Variants in B3GALT1 observed in about 807,000 individuals in gnomAD.
The protein encoded by B3GALT1 is UDP-Gal:betaGlcNAc beta 1,3-galactosyltransferase, polypeptide 1.
In B3GALT1, 10 loss-of-function variants were observed where a neutral mutation model predicts 23.2. The observed-to-expected ratio is 0.43, with a 90% CI of 0.27 to 0.73. B3GALT1 has a LOEUF of 0.73. B3GALT1 is among the 30% of genes least tolerant of loss of function. The pLI is 0.21. For missense variants in B3GALT1, 299 were observed against 405.4 expected (o/e 0.74, Z 2.25); for synonymous variants, 156 against 141.5 (o/e 1.10, Z -0.73).
At chr2:167,788,009 A>G (rs1316368423) in intron 3 of B3GALT1, among the ~76,000 whole-genome samples, 1 of 152,180 alleles carries the variant, frequency 6.6e-6, no homozygotes, top group Non-Finnish European at 1.5e-5. Context: ...TCTTACTTGA[A>G]TGCCTAGACT....
intron 3 of B3GALT1, among the ~76,000 whole-genome samples, chr2:167,744,247 TC>T (rs1351032153): frequency 6.6e-6 from 1 of 152,190 alleles, no homozygotes; most frequent in African/African-American, 2.4e-5. Flanking sequence ...ATGGTATTGA[TC>T]AAATCTTTCA....
chr2:167,391,947 C>T (rs1268247801), intron 1 of B3GALT1, among the ~76,000 whole-genome samples: 1 of 152,086 alleles, frequency 6.6e-6, no homozygotes, highest in Non-Finnish European at 1.5e-5. Flanking sequence ...ATCTGAATGG[C>T]AAATGTACAC....
intron 1 of B3GALT1, among the ~76,000 whole-genome samples, chr2:167,310,285 GTGTT>G (rs1189400185): frequency 6.6e-6 from 1 of 151,928 alleles, no homozygotes; most frequent in South Asian, 2.1e-4. Context: ...TCCCTTGACA[GTGTT>G]TGTTTATTTA....
chr2:167,515,952 A>G (rs1700095084), intron 2 of B3GALT1, among the ~76,000 whole-genome samples: 1 of 152,126 alleles, frequency 6.6e-6, no homozygotes, highest in African/African-American at 2.4e-5. Context: ...AGGCCTATCT[A>G]TGTATTCAGC....
intron 3 of B3GALT1, among the ~76,000 whole-genome samples, chr2:167,686,690 T>C (rs1363980274): frequency 1.3e-5 from 2 of 152,232 alleles, no homozygotes; most frequent in African/African-American, 4.8e-5. Flanking sequence ...TTCTATTTCG[T>C]GCTCATGCCA....
At chr2:167,693,704 G>C (rs367903190) in intron 3 of B3GALT1, among the ~76,000 whole-genome samples, 1 of 152,068 alleles carries the variant, frequency 6.6e-6, no homozygotes, top group East Asian at 1.9e-4. Flanking sequence ...CGTGCTATCT[G>C]TTCTCTTTAC....
intron 2 of B3GALT1, among the ~76,000 whole-genome samples, chr2:167,510,289 C>T (rs1699985881): frequency 6.6e-6 from 1 of 151,824 alleles, no homozygotes. Flanking sequence ...TGATACATTG[C>T]TTGCACAGAA....
At position 167,626,847 on chromosome 2, in the gene B3GALT1, C is replaced by A. The variant is rs1340309272; in HGVS notation, c.-409-20062C>A. ...AGTCACAGCAGAGACTCTTGGGATTCTTAACATATTAACATTCTAATAAGG... is the reference window on the plus strand; with the variant it reads ...AGTCACAGCAGAGACTCTTGGGATTATTAACATATTAACATTCTAATAAGG... On this transcript the variant is annotated intron_variant, in intron 2 of 4. Transcript: ENST00000392690. Among the ~76,000 whole-genome samples, 5 of 151,664 alleles carry A rather than the reference C, an allele frequency of 3.3e-5. No individual in the cohort carries two copies. The East Asian group carries it at 9.7e-4, about 29-fold the overall frequency.
rs11891524 is a variant in B3GALT1 at position 167,531,141 on chromosome 2, A to C, written c.-410+40864A>C. 6.4e-3 allele frequency among the ~76,000 whole-genome samples: 973 copies of C among 152,340 alleles called. 11 individuals carry two copies. The highest frequency in any genetic ancestry group is 0.022 in the African/African-American group (928 of 41,580). ...TTCACATAGCAAATGAGCAATGGGA[A>C]CTTTAAAATATTAATCCCAAGGTCT... On this transcript the variant is annotated intron_variant, in intron 2 of 4. Coordinates refer to ENST00000392690, the MANE Select transcript of B3GALT1 (RefSeq NM_020981.4).
intron 1 of B3GALT1, among the ~76,000 whole-genome samples, chr2:167,442,473 G>A (rs1477442007): frequency 6.6e-6 from 1 of 151,784 alleles, no homozygotes; most frequent in African/African-American, 2.4e-5. Context: ...CACAATGGTT[G>A]AACTAGTTTA....
intron 2 of B3GALT1, among the ~76,000 whole-genome samples, chr2:167,576,538 T>G (rs555455499): frequency 9.7e-4 from 143 of 147,978 alleles, no homozygotes; most frequent in African/African-American, 3.4e-3. Flanking sequence ...TTTTGTTTTT[T>G]TTTTTTGTTT....
intron 1 of B3GALT1, among the ~76,000 whole-genome samples, chr2:167,403,411 C>A (rs1698225791): frequency 6.6e-6 from 1 of 151,788 alleles, no homozygotes; most frequent in Non-Finnish European, 1.5e-5. Context: ...TTTTCTTAAT[C>A]CAGTCTATCA....
intron 3 of B3GALT1, among the ~76,000 whole-genome samples, chr2:167,685,847 C>T (rs1286772140): frequency 6.6e-6 from 1 of 152,208 alleles, no homozygotes; most frequent in Non-Finnish European, 1.5e-5. Context: ...GGCAGTCTCT[C>T]AGGCAAATTT....
At chr2:167,447,176 T>A (rs1312397845) in intron 1 of B3GALT1, among the ~76,000 whole-genome samples, 1 of 152,130 alleles carries the variant, frequency 6.6e-6, no homozygotes, top group Non-Finnish European at 1.5e-5. Flanking sequence ...GCAGAACAGC[T>A]AATATCGCAG....
chr2:167,797,085 T>C (rs1276473123), intron 3 of B3GALT1, among the ~76,000 whole-genome samples: 2 of 152,138 alleles, frequency 1.3e-5, no homozygotes, highest in Non-Finnish European at 2.9e-5. Flanking sequence ...CACCTAGGTA[T>C]TAAGCCCAGC....
In B3GALT1 at chr2:167,714,088, T is replaced by G; in HGVS notation, c.-352+67122T>G. The G allele has an allele frequency of 2.0e-6, 3 of 1,533,394 alleles. No individual in the cohort carries two copies. In the South Asian group the frequency reaches 3.4e-5, roughly 17 times the overall value. The allele number at this position is 1,533,394 out of a possible 1,614,324, so 95.0% of individuals were successfully genotyped here. ...CATCTTTGGCATCATTTCTAGTGGATTCCATTTCTGAAGGCATTGACCCAT... is the reference window on the plus strand; with the variant it reads ...CATCTTTGGCATCATTTCTAGTGGAGTCCATTTCTGAAGGCATTGACCCAT... On this transcript the variant is annotated intron_variant, in intron 3 of 4. Coordinates refer to ENST00000392690, the MANE Select transcript of B3GALT1 (RefSeq NM_020981.4).
intron 1 of B3GALT1, among the ~76,000 whole-genome samples, chr2:167,302,973 G>A (rs1199741609): frequency 6.6e-6 from 1 of 152,086 alleles, no homozygotes; most frequent in Non-Finnish European, 1.5e-5. Context: ...GCATAAATAC[G>A]TTATCTTGTA....
intron 1 of B3GALT1, among the ~76,000 whole-genome samples, chr2:167,296,258 T>C (rs1187191583): frequency 1.3e-5 from 2 of 152,226 alleles, no homozygotes; most frequent in Non-Finnish European, 2.9e-5. Context: ...GCAATGCTAA[T>C]AGATACAATT....
intron 3 of B3GALT1, among the ~76,000 whole-genome samples, chr2:167,672,029 G>T (rs1464678787): frequency 6.6e-6 from 1 of 151,960 alleles, no homozygotes; most frequent in Non-Finnish European, 1.5e-5. Context: ...TAGAAGAAAT[G>T]GATAAATTCC....
Sources: gnomAD v4.1 joint callset for allele counts (sites outside exome capture counted in the v4.1 genomes callset) on GRCh38, gnomAD v4.1.1 for gene constraint, MANE v1.5 for transcripts, NCBI Gene and HGNC (gene_info 2026-07-23, HGNC 2026-07-21) for gene names.